The following B4GALNT2 variants were observed in gnomAD, a reference collection of about 807,000 sequenced individuals.
B4GALNT2 encodes beta-1,4-N-acetyl-galactosaminyltransferase 2 (SID blood group).
Under a neutral mutation model 51.1 loss-of-function variants are expected in B4GALNT2, and 42 were observed. The ratio of observed to expected loss-of-function variants is 0.82; its 90% CI spans 0.64 to 1.06. The LOEUF (loss-of-function observed/expected upper bound fraction) is 1.06, where lower values mean the gene tolerates loss of function less well. Among genes scored for constraint, B4GALNT2 ranks in the 50% least tolerant of loss-of-function variants. The pLI is 0.00. For synonymous variants in B4GALNT2, 253 were observed against 251.7 expected (o/e 1.01, Z -0.05); for missense variants, 602 against 633.6 (o/e 0.95, Z 0.54).
chr17:49,141,178 CA>C (rs2042640226), intron 1 of B4GALNT2, 68 bp from the exon 2 acceptor site: 6 of 1,415,302 alleles, frequency 4.2e-6, no homozygotes, highest in Admixed American at 1.7e-5. Flanking sequence ...CTGAAATTAT[CA>C]GTCTCATATA....
chr17:49,133,358 C>T lies in B4GALNT2; in HGVS notation c.14+552C>T, dbSNP rs989244855. 3.0e-6 allele frequency: 3 copies of T among 994,616 alleles called. No homozygotes were observed. In the African/African-American group the frequency reaches 5.2e-5, roughly 17 times the overall value. The allele number at this position is 994,616 out of a possible 1,614,324, so 61.6% of individuals were successfully genotyped here. A position where few individuals can be genotyped will look rare whatever the true frequency, so the allele number is the denominator to read the frequency against. The stretch of plus-strand genomic sequence containing the variant: ...GGCGCCCACCGCAGGGCAGAGTGAG[C>T]TGCGGTTGTGTGGCCCCGCGTGCTA... On this transcript the variant is annotated intron_variant, in intron 1 of 10. Transcript: ENST00000393354.
chr17:49,130,246 A>G (rs998178875), upstream of B4GALNT2, among the ~76,000 whole-genome samples: 12 of 152,238 alleles, frequency 7.9e-5, no homozygotes, highest in Admixed American at 6.5e-4. Context: ...GATGGAAAAG[A>G]GCTTTCCTAC....
At chr17:49,163,807 T>TAAC (rs2042885525) in intron 7 of B4GALNT2, among the ~76,000 whole-genome samples, 2 of 146,350 alleles carry the variant, frequency 1.4e-5, no homozygotes, top group East Asian at 4.0e-4. Context: ...AGCAAAGTGC[T>TAAC]AACAGGCAGG....
At position 49,141,489 on chromosome 17, in the gene B4GALNT2, T is replaced by C. The variant is rs375838007; in HGVS notation, c.215+42T>C. The C allele has an allele frequency of 1.1e-5, 18 of 1,579,142 alleles. No individual in the cohort carries two copies. In the African/African-American group the frequency reaches 2.2e-4, roughly 19 times the overall value. ...TCTTTCTTTCACCTTAATGCACACA[T>C]CTTCCTTGCTCCTCCTCAAGTACCA... On this transcript the variant is annotated intron_variant, in intron 2 of 10. Transcript: ENST00000393354.
At chr17:49,162,273 A>T (rs373571635) in intron 7 of B4GALNT2, among the ~76,000 whole-genome samples, 1 of 152,198 alleles carries the variant, frequency 6.6e-6, no homozygotes, top group East Asian at 1.9e-4. Flanking sequence ...ATGACTCAAT[A>T]AGAAAAGAAC....
intron 3 of B4GALNT2, among the ~76,000 whole-genome samples, chr17:49,146,224 C>T (rs150172756): frequency 0.02 from 3,065 of 152,272 alleles, 140 homozygotes; most frequent in African/African-American, 0.07. Flanking sequence ...GCCATTCCAC[C>T]GTTCTATCAA....
chr17:49,168,935 G>T, intron 10 of B4GALNT2, 35 bp downstream of exon 10: 1 of 1,589,858 alleles, frequency 6.3e-7, no homozygotes, highest in South Asian at 1.1e-5. Context: ...AGGGAGCTGG[G>T]CTGGGAATTA....
chr17:49,159,083 TC>T lies in B4GALNT2; in HGVS notation c.548del (p.Pro183GlnfsTer13). 1.9e-6 allele frequency: 3 copies of T among 1,614,232 alleles called. No homozygotes were observed. The highest frequency in any genetic ancestry group is 2.5e-6 in the Non-Finnish European group (3 of 1,180,038). ...SLGTLNTLAD[V>X]PDSVVQGRGQ... Reference sequence around the variant, plus strand: ...GGGACACTGAACACCCTTGCTGATGTCCCAGACAGTGTGGTGCAGGGCAGAG... The same window carrying T: ...GGGACACTGAACACCCTTGCTGATGTCCAGACAGTGTGGTGCAGGGCAGAG... On this transcript the variant is annotated frameshift_variant, in exon 6 of 11. Coordinates refer to ENST00000393354, the MANE Select transcript of B4GALNT2 (RefSeq NM_001159387.2). LOFTEE classifies it high-confidence loss of function.
intron 4 of B4GALNT2, among the ~76,000 whole-genome samples, chr17:49,155,448 G>A (rs1055527018): frequency 1.3e-5 from 2 of 150,282 alleles, no homozygotes; most frequent in Non-Finnish European, 3.0e-5. Context: ...ACTAAAAATC[G>A]AAAATTTGTC....
At chr17:49,154,424 A>T (rs1386639340) in intron 4 of B4GALNT2, among the ~76,000 whole-genome samples, 1 of 152,028 alleles carries the variant, frequency 6.6e-6, no homozygotes, top group African/African-American at 2.4e-5. Context: ...TATCAGAGGG[A>T]CCAGAAGGAT....
the B4GALNT2 span, among the ~76,000 whole-genome samples, chr17:49,123,417 A>C: frequency 1.3e-5 from 2 of 152,242 alleles, no homozygotes; most frequent in Admixed American, 6.5e-5. Context: ...GAAAATAATA[A>C]AAATTGAAAA....
chr17:49,134,065 A>G (rs943041164), intron 1 of B4GALNT2, among the ~76,000 whole-genome samples: 1 of 152,142 alleles, frequency 6.6e-6, no homozygotes, highest in African/African-American at 2.4e-5. Context: ...CCCTTCCCCA[A>G]CTTCCCCCAC....
rs2042931250 is a variant in B4GALNT2, at chr17:49,168,549, G to A, written c.1096-132G>A. The A allele has an allele frequency of 4.3e-6, 4 of 922,354 alleles. 1 individual carries two copies. In the South Asian group the frequency reaches 4.8e-5, roughly 11 times the overall value. 57.1% of individuals were successfully genotyped at this position (922,354 alleles called of 1,614,324 possible). ...AGCAGCAACGAGGGAGTAACTGAGG[G>A]ATAATTTGAAGGATAGACAGAGAAA... On this transcript the variant is annotated intron_variant, in intron 9 of 10. Coordinates refer to ENST00000393354, the MANE Select transcript of B4GALNT2 (RefSeq NM_001159387.2).
chr17:49,170,328 A>C lies in B4GALNT2; in HGVS notation c.*600A>C, dbSNP rs1533921. 0.024 allele frequency: 3,627 copies of C among 152,590 alleles called. 158 individuals are homozygous for C. Among genetic ancestry groups the C allele is most frequent in the African/African-American group, 0.083 (3,456 of 41,562 alleles). The allele number at this position is 152,590 out of a possible 1,614,324, so 9.5% of individuals were successfully genotyped here. On this transcript the variant is annotated 3_prime_UTR_variant, in exon 11 of 11. Coordinates refer to ENST00000393354, the MANE Select transcript of B4GALNT2 (RefSeq NM_001159387.2). ...GGTGGAGGAAGACTCCGTGGAGTGAACTTGTTAGGAGCCTGAAAGCAGACA... is the reference window on the plus strand; with the variant it reads ...GGTGGAGGAAGACTCCGTGGAGTGACCTTGTTAGGAGCCTGAAAGCAGACA...
intron 3 of B4GALNT2, chr17:49,148,355 C>A: frequency 2.8e-6 from 1 of 363,500 alleles, no homozygotes; most frequent in Non-Finnish European, 5.4e-6. Context: ...AGGTGGCTGA[C>A]CACATCCACA....
At chr17:49,130,624 T>G (rs1176719513), upstream of B4GALNT2, among the ~76,000 whole-genome samples, 2 of 150,854 alleles carry the variant, frequency 1.3e-5, no homozygotes, top group African/African-American at 4.9e-5. Context: ...GGCAATAGAG[T>G]GAGACTCCAT....
In B4GALNT2 at chr17:49,142,156, G is replaced by T. The variant is rs1422657480; in HGVS notation, c.337G>T (p.Glu113Ter). ...GAAAGCGAGGAGACAGGCTGAATTT[G>T]AACACTTTCAGAGGAGGTAATGCGG... ...AVKARRQAEF[E>*]HFQRREGLPR... The change falls in exon 3 of 11, where the codon GAA becomes TAA. Residue 113 changes from glutamate (E) to a stop codon, truncating the protein, a stop_gained. Transcript: ENST00000393354. LOFTEE classifies it high-confidence loss of function. 1.2e-6 allele frequency: 2 copies of T among 1,614,092 alleles called. No individual in the cohort carries two copies. Among genetic ancestry groups the T allele is most frequent in the South Asian group, 1.1e-5 (1 of 91,074 alleles).
intron 1 of B4GALNT2, among the ~76,000 whole-genome samples, chr17:49,137,734 A>C (rs919712620): frequency 2.0e-5 from 3 of 152,226 alleles, no homozygotes; most frequent in Non-Finnish European, 4.4e-5. Flanking sequence ...ATTCTTTTTC[A>C]GAACTTAACA....
upstream of B4GALNT2, among the ~76,000 whole-genome samples, chr17:49,128,745 A>G (rs2042523153): frequency 1.3e-5 from 2 of 152,194 alleles, no homozygotes; most frequent in South Asian, 4.1e-4. Flanking sequence ...CCATGTTGCA[A>G]TAAAAATCTG....
Sources: allele counts gnomAD v4.1 joint callset (sites outside exome capture counted in the v4.1 genomes callset), GRCh38; gene constraint gnomAD v4.1.1; transcripts MANE v1.5; gene names NCBI Gene and HGNC (gene_info 2026-07-23, HGNC 2026-07-21).